The following WNK1 variants were observed in gnomAD, a reference collection of about 807,000 sequenced individuals.
WNK1 encodes the protein WNK lysine deficient protein kinase 1, also known as serine/threonine-protein kinase WNK1.
WNK1 carries 38 observed loss-of-function variants against 222.8 expected under a neutral mutation model. That is an observed-to-expected ratio of 0.17 (90% CI 0.13 to 0.22). WNK1 has a LOEUF of 0.22. Ranked by LOEUF, WNK1 falls within the 10% of genes least tolerant of loss-of-function variation. The pLI is 1.00. For synonymous variants in WNK1, 1,090 were observed against 1,092.9 expected (o/e 1.00, Z 0.05); for missense variants, 2,348 against 2,918.4 (o/e 0.80, Z 4.50).
chr12:827,138 A>G lies in WNK1; in HGVS notation c.1029A>G (p.Pro343=). 1 of 1,614,142 alleles carries G rather than the reference A, an allele frequency of 6.2e-7. No homozygotes were observed. Among genetic ancestry groups the G allele is most frequent in the Non-Finnish European group, 8.5e-7 (1 of 1,180,014 alleles). ...KGLQFLHTRT[P]PIIHRDLKCD... ...TTCAGTTTCTTCATACTCGAACTCC[A>G]CCTATCATTCACCGCGATCTTAAAT... Residue 343 remains proline (P), a synonymous_variant, in exon 3 of 28, where the codon CCA becomes CCG. Coordinates refer to ENST00000315939, the MANE Select transcript of WNK1 (RefSeq NM_018979.4). This position sits in a 1 kb window ranked among gnomAD's most constrained non-coding sequence, Gnocchi z 4.6.
At chr12:878,144 A>G in intron 9 of WNK1, 68 bp from the exon 10 acceptor site, 1 of 1,592,122 alleles carries the variant, frequency 6.3e-7, no homozygotes, top group Non-Finnish European at 8.6e-7. Context: ...CTTTAGGTAA[A>G]CATGCTTCCT....
chr12:877,823 A>G lies in WNK1; in HGVS notation c.2224-389A>G, dbSNP rs144437292. 5.2e-3 allele frequency among the ~76,000 whole-genome samples: 799 copies of G among 152,328 alleles called. 2 individuals are homozygous for G. Among genetic ancestry groups the G allele is most frequent in the South Asian group, 0.019 (91 of 4,828 alleles). ...AAGATTAAAGGAAGCTATTGGATCTATCTGATATAGGTGCCAAAGAGAGAG... is the reference window on the plus strand; with the variant it reads ...AAGATTAAAGGAAGCTATTGGATCTGTCTGATATAGGTGCCAAAGAGAGAG... On this transcript the variant is annotated intron_variant, in intron 9 of 27. Transcript: ENST00000315939.
At chr12:756,703 T>C (rs771623959) in intron 1 of WNK1, among the ~76,000 whole-genome samples, 1 of 152,234 alleles carries the variant, frequency 6.6e-6, no homozygotes, top group Non-Finnish European at 1.5e-5. Flanking sequence ...TAATAAAATA[T>C]TCAGTGGGTC....
chr12:798,476 G>A (rs897909768), intron 1 of WNK1, among the ~76,000 whole-genome samples: 1 of 152,206 alleles, frequency 6.6e-6, no homozygotes, highest in African/African-American at 2.4e-5. Flanking sequence ...ACAGGCGTGA[G>A]CCACCAAGCC....
chr12:882,883 G>T, intron 14 of WNK1, 60 bp from the exon 15 acceptor site: 1 of 1,100,970 alleles, frequency 9.1e-7, no homozygotes, highest in South Asian at 1.2e-5. Flanking sequence ...TTGCTTTTCT[G>T]AAATTCAGTA....
rs1283293103 is a variant in WNK1 at position 885,255 on chromosome 12, C to T, written c.4451C>T (p.Thr1484Ile). The T allele has an allele frequency of 3.7e-6, 6 of 1,614,232 alleles. No homozygotes were observed. Among genetic ancestry groups the T allele is most frequent in the Non-Finnish European group, 5.1e-6 (6 of 1,180,036 alleles). ...TCTCAGCAGGCAGCAGGCAGCACTA[C>T]TGTGGGAGCCACATTAACATCAGTT... ...VVSQQAAGSTTVGATLTSVST... is the reference protein window; with the variant it reads ...VVSQQAAGSTIVGATLTSVST... The change falls in exon 19 of 28, where the codon ACT (threonine) becomes ATT (isoleucine). Residue 1484 changes from threonine to isoleucine, a missense_variant. Thr to Ile is a moderately conservative substitution (Grantham distance 89, BLOSUM62 -1). Coordinates refer to ENST00000315939, the MANE Select transcript of WNK1 (RefSeq NM_018979.4).
At chr12:852,531 C>G (rs1461192881) in intron 4 of WNK1, among the ~76,000 whole-genome samples, 3 of 152,142 alleles carry the variant, frequency 2.0e-5, no homozygotes, top group Non-Finnish European at 2.9e-5. Context: ...GTTGTTGGCT[C>G]TGGAGGAGTG....
At chr12:805,455 A>C (rs1053237995) in intron 1 of WNK1, among the ~76,000 whole-genome samples, 7 of 152,164 alleles carry the variant, frequency 4.6e-5, no homozygotes, top group African/African-American at 1.7e-4. Context: ...ATACATATAC[A>C]CTCCTTGTGA....
intron 3 of WNK1, among the ~76,000 whole-genome samples, chr12:828,181 C>T (rs1309692630): frequency 6.6e-6 from 1 of 151,670 alleles, no homozygotes; most frequent in African/African-American, 2.4e-5. Context: ...TGGCGGGTGC[C>T]TGTAGTCCCA....
chr12:773,467 C>CATTTAAAAAAAA (rs1942770097), intron 1 of WNK1, among the ~76,000 whole-genome samples: 1 of 152,070 alleles, frequency 6.6e-6, no homozygotes, highest in Admixed American at 6.5e-5. Flanking sequence ...GGAACTACTT[C>CATTTAAAAAAAA]CCAATCAGTT....
rs923746162 is a variant in WNK1 at position 827,367 on chromosome 12, C to A, written c.1153+105C>A. ...TAAGTGATATAAACCTTAAGAAATT[C>A]ATAGCTTGAACTCAGGAGGTGATCC... On this transcript the variant is annotated intron_variant, in intron 3 of 27. Transcript: ENST00000315939. This position sits in a 1 kb window ranked among gnomAD's most constrained non-coding sequence, Gnocchi z 4.6. 2.0e-6 allele frequency: 2 copies of A among 1,018,110 alleles called. No individual in the cohort carries two copies. The highest frequency in any genetic ancestry group is 1.9e-5 in the Admixed American group (1 of 52,828). 63.1% of individuals were successfully genotyped at this position (1,018,110 alleles called of 1,614,324 possible). A position where few individuals can be genotyped will look rare whatever the true frequency, so the allele number is the denominator to read the frequency against.
At chr12:871,239 T>G in intron 8 of WNK1, 26 bp from the exon 9 acceptor site, 1 of 1,609,010 alleles carries the variant, frequency 6.2e-7, no homozygotes, top group Non-Finnish European at 8.5e-7. Context: ...CTTCTCTAAT[T>G]TGTTGTGTTC....
chr12:814,378 C>T (rs1321606928), intron 2 of WNK1, among the ~76,000 whole-genome samples: 1 of 151,442 alleles, frequency 6.6e-6, no homozygotes, highest in African/African-American at 2.4e-5. Context: ...AGGTAGCCCT[C>T]TAGTGGTTAA....
rs759064303 is a variant in WNK1, at chr12:762,823, CACA to C, written c.759+8503_759+8505del. On this transcript the variant is annotated intron_variant, in intron 1 of 27. Coordinates refer to ENST00000315939, the MANE Select transcript of WNK1 (RefSeq NM_018979.4). ...GTGCAATGGCGCGATCTCGGCTCACCACAACATTTGCCTCCTGAGTTCAAGGGA... is the reference window on the plus strand; with the variant it reads ...GTGCAATGGCGCGATCTCGGCTCACCACATTTGCCTCCTGAGTTCAAGGGA... 1.4e-5 allele frequency among the ~76,000 whole-genome samples: 2 copies of C among 146,244 alleles called. 1 individual carries two copies. Among genetic ancestry groups the C allele is most frequent in the Non-Finnish European group, 3.1e-5 (2 of 65,418 alleles).
Position 753,996 on chromosome 12 carries a change from G to T in WNK1, c.431G>T (p.Gly144Val), listed in dbSNP as rs775265534. ...CAGCCTCCAGCCGCTGCCGCCCCTG[G>T]GGAACAGGCCGTCGCGGGCCCTGCC... is the stretch of plus-strand genomic sequence containing the variant. ...AQQPPAAAAP[G>V]EQAVAGPAPS... is the part of the protein sequence containing the mutation. The change falls in exon 1 of 28, where the codon GGG becomes GTG. Residue 144 changes from glycine (G) to valine (V), a missense_variant. Gly to Val is a moderately radical substitution (Grantham distance 109). Around this residue, in one of 13 missense-constraint regions of WNK1, gnomAD observed 185 missense variants for 159.2 expected, o/e 1.16. Coordinates refer to ENST00000315939, the MANE Select transcript of WNK1 (RefSeq NM_018979.4). The surrounding 1 kb of genome is among the most constrained non-coding windows in gnomAD (Gnocchi z 5.2). 1 of 1,590,914 alleles carries T rather than the reference G, an allele frequency of 6.3e-7. No homozygotes were observed.
Position 883,789 on chromosome 12 carries a change from T to G in WNK1, c.3679T>G (p.Phe1227Val). The change falls in exon 17 of 28, where the codon TTC becomes GTC. Residue 1227 changes from phenylalanine (F) to valine (V), a missense_variant. This residue lies in a region of WNK1 where 1,144 missense variants were observed against 1,273.6 expected (regional missense o/e 0.90). Transcript: ENST00000315939. ...FSGSQKLEGEFKQPIPASSMP... is the reference protein window; with the variant it reads ...FSGSQKLEGEVKQPIPASSMP... ...TTTGTTGTAGAAATTGGAAGGAGAG[T>G]TCAAACAACCAATTCCTGCGTCTTC... 1 of 1,614,120 alleles carries G rather than the reference T, an allele frequency of 6.2e-7. No individual in the cohort carries two copies. The highest frequency in any genetic ancestry group is 8.5e-7 in the Non-Finnish European group (1 of 1,180,016).
rs66669321 is a variant in WNK1 at position 894,868 on chromosome 12, C to T, written c.5583+233C>T. ...GATAGTCGTACTATCTATCCACCCACCTCCCAAGATTACTTTTTGGGGTGT... is the reference window on the plus strand; with the variant it reads ...GATAGTCGTACTATCTATCCACCCATCTCCCAAGATTACTTTTTGGGGTGT... On this transcript the variant is annotated intron_variant, in intron 23 of 27. Coordinates refer to ENST00000315939, the MANE Select transcript of WNK1 (RefSeq NM_018979.4). Among the ~76,000 whole-genome samples the T allele has an allele frequency of 0.013, 2,004 of 152,222 alleles. 63 individuals are homozygous for T. The highest frequency in any genetic ancestry group is 0.046 in the African/African-American group (1,907 of 41,520).
chr12:905,902 T>C (rs1389725167), intron 26 of WNK1, among the ~76,000 whole-genome samples: 1 of 152,176 alleles, frequency 6.6e-6, no homozygotes, highest in Non-Finnish European at 1.5e-5. Context: ...AGTAGTTCCG[T>C]GTCTTGCCAT....
At chr12:846,463 G>A (rs1950032147) in intron 4 of WNK1, among the ~76,000 whole-genome samples, 1 of 152,124 alleles carries the variant, frequency 6.6e-6, no homozygotes, top group South Asian at 2.1e-4. Flanking sequence ...AGAGAGTAAC[G>A]AGCCTTGGGG....
Sources: gnomAD v4.1 joint callset for allele counts (sites outside exome capture counted in the v4.1 genomes callset) on GRCh38, gnomAD v4.1.1 for gene constraint, gnomAD v4.1.1 regional missense constraint, Gnocchi (gnomAD v3.1) non-coding constraint, MANE v1.5 for transcripts, NCBI Gene and HGNC (gene_info 2026-07-23, HGNC 2026-07-21) for gene names.